Variants in GPR158 observed in about 807,000 individuals in gnomAD.
GPR158 encodes metabotropic glycine receptor.
In GPR158, 30 loss-of-function variants were observed where a neutral mutation model predicts 78.2. The ratio of observed to expected loss-of-function variants is 0.38; its 90% CI spans 0.29 to 0.52. GPR158 has a LOEUF of 0.52. GPR158 is among the 20% of genes least tolerant of loss of function. GPR158 has a pLI of 0.83. For synonymous variants in GPR158, 581 were observed against 591.1 expected, an observed-to-expected ratio of 0.98 and a Z score of 0.25; for missense variants, 1,463 against 1,523.5, an observed-to-expected ratio of 0.96 and a Z score of 0.66.
intron 2 of GPR158, among the ~76,000 whole-genome samples, chr10:25,324,564 A>G (rs1177014470): frequency 6.6e-6 from 1 of 152,204 alleles, no homozygotes; most frequent in Non-Finnish European, 1.5e-5. Context: ...TAATAAGAGC[A>G]TTTGAAATGT....
At chr10:25,202,312 TAC>T (rs1234922348) in intron 1 of GPR158, among the ~76,000 whole-genome samples, 7 of 146,822 alleles carry the variant, frequency 4.8e-5, no homozygotes, top group Non-Finnish European at 7.4e-5. Flanking sequence ...GCAGGTTTGT[TAC>T]ACATATATAT....
At chr10:25,546,687 G>T (rs149550457) in intron 5 of GPR158, among the ~76,000 whole-genome samples, 1 of 152,200 alleles carries the variant, frequency 6.6e-6, no homozygotes. Flanking sequence ...TGTCACAGAA[G>T]TGAATGAGAA....
At chr10:25,258,906 T>C (rs925685043) in intron 2 of GPR158, among the ~76,000 whole-genome samples, 1 of 152,228 alleles carries the variant, frequency 6.6e-6, no homozygotes, top group Non-Finnish European at 1.5e-5. Context: ...TTCTATGTAT[T>C]ATATACCGTA....
intron 2 of GPR158, among the ~76,000 whole-genome samples, chr10:25,379,647 C>CTTTTTTTTTTTTTTTTT (rs11393897): frequency 9.3e-6 from 1 of 106,986 alleles, no homozygotes; most frequent in Non-Finnish European, 1.8e-5. Context: ...TGAGGATTAG[C>CTTTTTTTTTTTTTTTTT]TTTTTTTTTT....
Position 25,598,194 on chromosome 10 carries a change from A to C in GPR158, c.2568A>C (p.Lys856Asn). 1 of 1,614,136 alleles carries C rather than the reference A, an allele frequency of 6.2e-7. No homozygotes were observed. The highest frequency in any genetic ancestry group is 2.2e-5 in the East Asian group (1 of 44,862). ...CACTGGAATCCCTGTCGGGTAAAAAACTAACACAAAAACTAAAAGAAGACA... is the reference window on the plus strand; with the variant it reads ...CACTGGAATCCCTGTCGGGTAAAAACCTAACACAAAAACTAAAAGAAGACA... ...NSTLESLSGK[K>N]LTQKLKEDSE... Residue 856 changes from lysine (K) to asparagine (N), a missense_variant, in exon 11 of 11, where the codon AAA (lysine) becomes AAC (asparagine). Coordinates refer to ENST00000376351, the MANE Select transcript of GPR158 (RefSeq NM_020752.3).
At chr10:25,197,357 T>G (rs932709820) in intron 1 of GPR158, among the ~76,000 whole-genome samples, 2 of 152,138 alleles carry the variant, frequency 1.3e-5, no homozygotes, top group African/African-American at 4.8e-5. Flanking sequence ...ATAGTATCAG[T>G]CATATACAGT....
In GPR158 at chr10:25,394,019, T is replaced by G. The variant is rs376386850; in HGVS notation, c.1009-1892T>G. On this transcript the variant is annotated intron_variant, in intron 2 of 10. Coordinates refer to ENST00000376351, the MANE Select transcript of GPR158 (RefSeq NM_020752.3). ...ACCTATTTGAGATGTAGATCTAAAT[T>G]TTTGAATAATCACTTCACCGTGAGC... Among the ~76,000 whole-genome samples, 15 of 152,212 alleles carry G rather than the reference T, an allele frequency of 9.9e-5. No individual in the cohort carries two copies. In the East Asian group the frequency reaches 2.1e-3, roughly 22 times the overall value.
At chr10:25,389,646 G>C (rs1834267346) in intron 2 of GPR158, among the ~76,000 whole-genome samples, 1 of 152,206 alleles carries the variant, frequency 6.6e-6, no homozygotes, top group Non-Finnish European at 1.5e-5. Context: ...AACACAAACA[G>C]GGCTGAAACA....
At chr10:25,342,081 C>T (rs553660948) in intron 2 of GPR158, among the ~76,000 whole-genome samples, 4 of 152,008 alleles carry the variant, frequency 2.6e-5, no homozygotes, top group Admixed American at 6.6e-5. Flanking sequence ...CTAACATACA[C>T]GCTTGCCTGA....
At chr10:25,379,549 T>C (rs1328552515) in intron 2 of GPR158, among the ~76,000 whole-genome samples, 1 of 152,078 alleles carries the variant, frequency 6.6e-6, no homozygotes, top group African/African-American at 2.4e-5. Flanking sequence ...AACATTGTGA[T>C]ACGGCAAAAG....
intron 1 of GPR158, among the ~76,000 whole-genome samples, chr10:25,189,834 ATGTGTGTG>A (rs56205437): frequency 1.2e-3 from 141 of 120,546 alleles, no homozygotes; most frequent in East Asian, 5.2e-3. Flanking sequence ...AAAGGAAAGC[ATGTGTGTG>A]TGTGTGTGTG....
At chr10:25,505,062 G>T (rs1588890467) in intron 5 of GPR158, among the ~76,000 whole-genome samples, 1 of 152,312 alleles carries the variant, frequency 6.6e-6, no homozygotes, top group East Asian at 1.9e-4. Context: ...CTGCCTCATA[G>T]AATTGTTATG....
chr10:25,587,829 T>C (rs16926159), intron 7 of GPR158, among the ~76,000 whole-genome samples: 15,123 of 152,232 alleles, frequency 0.099, 1,870 homozygotes, highest in African/African-American at 0.3. Context: ...TAAATGCTGA[T>C]TGAAATATAC....
At chr10:25,431,972 T>C (rs1338932451) in intron 4 of GPR158, among the ~76,000 whole-genome samples, 1 of 147,766 alleles carries the variant, frequency 6.8e-6, no homozygotes, top group Non-Finnish European at 1.5e-5. Context: ...CTGCACATTG[T>C]GCACATGTAC....
chr10:25,511,547 T>G (rs1836087330), intron 5 of GPR158, among the ~76,000 whole-genome samples: 1 of 152,192 alleles, frequency 6.6e-6, no homozygotes, highest in Non-Finnish European at 1.5e-5. Flanking sequence ...TTAGTTTAAG[T>G]CCCCTCTATT....
intron 2 of GPR158, chr10:25,393,678 C>T (rs952076429): frequency 4.6e-5 from 7 of 152,120 alleles, no homozygotes; most frequent in African/African-American, 1.4e-4. Flanking sequence ...AATGGTTCTC[C>T]TCTATTTGGG....
At chr10:25,336,360 C>T (rs74123860) in intron 2 of GPR158, among the ~76,000 whole-genome samples, 11,075 of 152,012 alleles carry the variant, frequency 0.073, 708 homozygotes, top group African/African-American at 0.16. Context: ...CATTCTTCTC[C>T]CTTTATTGTG....
intron 2 of GPR158, among the ~76,000 whole-genome samples, chr10:25,351,032 C>T (rs994022117): frequency 1.2e-4 from 18 of 152,008 alleles, no homozygotes; most frequent in African/African-American, 4.1e-4. Context: ...AAATAGTCCA[C>T]TCTCTCTAGG....
chr10:25,568,728 G>T (rs1224658811), intron 6 of GPR158, among the ~76,000 whole-genome samples: 1 of 152,092 alleles, frequency 6.6e-6, no homozygotes, highest in Non-Finnish European at 1.5e-5. Flanking sequence ...TGATTTCCAT[G>T]AATTTATCTG....
Sources: gnomAD v4.1 joint callset for allele counts (sites outside exome capture counted in the v4.1 genomes callset) on GRCh38, gnomAD v4.1.1 for gene constraint, MANE v1.5 for transcripts, NCBI Gene and HGNC (gene_info 2026-07-23, HGNC 2026-07-21) for gene names.